Variants in COTL1 observed in about 807,000 individuals in gnomAD.
COTL1 encodes the protein coactosin-like protein.
A neutral mutation model predicts 16.5 loss-of-function variants in COTL1; 15 were observed. The ratio of observed to expected loss-of-function variants is 0.91; its 90% CI spans 0.61 to 1.40. The LOEUF is 1.40. Among genes scored for constraint, COTL1 ranks in the 40% most tolerant of loss-of-function variants. The pLI is 0.00. For missense variants in COTL1, 220 were observed against 201.5 expected (o/e 1.09, Z -0.56); for synonymous variants, 112 against 85.3 (o/e 1.31, Z -1.73).
chr16:84,566,984 C>T (rs755990207), intron 3 of COTL1, 29 bp from the exon 4 acceptor site: 2 of 1,542,622 alleles, frequency 1.3e-6, no homozygotes, highest in Non-Finnish European at 9.0e-7. Flanking sequence ...ACACAGCGTT[C>T]CTATTAAGAA....
chr16:84,616,361 G>A (rs535665457), intron 2 of COTL1: 1 of 152,256 alleles, frequency 6.6e-6, no homozygotes, highest in East Asian at 1.9e-4. Flanking sequence ...AAATTAGCCA[G>A]GCGTGGTCGT....
intron 2 of COTL1, among the ~76,000 whole-genome samples, chr16:84,615,634 G>A (rs747809916): frequency 3.3e-5 from 5 of 152,164 alleles, no homozygotes; most frequent in Non-Finnish European, 5.9e-5. Context: ...TGACTCTCCT[G>A]GCTGTTCACG....
intron 3 of COTL1, among the ~76,000 whole-genome samples, chr16:84,573,040 C>G (rs911338194): frequency 6.6e-6 from 1 of 152,190 alleles, no homozygotes; most frequent in African/African-American, 2.4e-5. Context: ...AGGCGTGAGC[C>G]ACTTTGCCTG....
At chr16:84,600,228 A>T (rs765302891) in intron 2 of COTL1, among the ~76,000 whole-genome samples, 60 of 152,230 alleles carry the variant, frequency 3.9e-4, no homozygotes, top group Admixed American at 5.9e-4. Flanking sequence ...CAAAAGTATT[A>T]AAAAGTGTAA....
At chr16:84,599,612 C>T (rs1175414248) in intron 2 of COTL1, among the ~76,000 whole-genome samples, 3 of 152,182 alleles carry the variant, frequency 2.0e-5, no homozygotes, top group Admixed American at 6.5e-5. Context: ...TCAGAATTTC[C>T]ACCCAACACT....
chr16:84,570,636 A>G lies in COTL1; in HGVS notation c.319-3681T>C, dbSNP rs563300231. On this transcript the variant is annotated intron_variant, in intron 3 of 3. Transcript: ENST00000262428. ...ACATTTAAAGCAAACTGAGTCTCAC[A>G]AGATAAACAGGGTCATCCTGCAACT... Among the ~76,000 whole-genome samples, 7 of 152,338 alleles carry G rather than the reference A, an allele frequency of 4.6e-5. No individual in the cohort carries two copies. In the South Asian group the frequency reaches 1.4e-3, roughly 32 times the overall value.
At chr16:84,610,951 G>A (rs192753845) in intron 2 of COTL1, among the ~76,000 whole-genome samples, 26 of 152,250 alleles carry the variant, frequency 1.7e-4, no homozygotes, top group Non-Finnish European at 2.8e-4. Context: ...CCTATCCATT[G>A]ATATGTAACA....
In COTL1 at chr16:84,566,880, C is replaced by A. The variant is rs1465866300; in HGVS notation, c.394G>T (p.Ala132Ser). 1 of 1,614,002 alleles carries A rather than the reference C, an allele frequency of 6.2e-7. No homozygotes were observed. ...EDFIKSELKKAGGANYDAQTE is the reference protein window; with the variant it reads ...EDFIKSELKKSGGANYDAQTE ...TGGGCGTCGTAATTGGCTCCCCCCG[C>A]CTTCTTCAGCTCGCTCTTGATGAAA... The change falls in exon 4 of 4, where the codon GCG becomes TCG. Residue 132 changes from alanine (A) to serine (S), a missense_variant. Physicochemically the swap from Ala to Ser is moderately conservative, Grantham distance 99. Transcript: ENST00000262428.
intron 3 of COTL1, among the ~76,000 whole-genome samples, chr16:84,577,934 G>C (rs562519175): frequency 3.3e-5 from 5 of 152,278 alleles, no homozygotes; most frequent in African/African-American, 7.2e-5. Context: ...CTCAGGCTCG[G>C]CTTTCCTGAC....
intron 2 of COTL1, among the ~76,000 whole-genome samples, chr16:84,603,421 C>T (rs575969391): frequency 6.6e-6 from 1 of 152,238 alleles, no homozygotes; most frequent in South Asian, 2.1e-4. Flanking sequence ...AACACGGCGT[C>T]ACAGCTCTGC....
intron 2 of COTL1, among the ~76,000 whole-genome samples, chr16:84,606,175 A>G (rs79781737): frequency 0.015 from 2,295 of 152,362 alleles, 48 homozygotes; most frequent in African/African-American, 0.052. Context: ...CACTGAGCTG[A>G]ATCAGAAAAG....
chr16:84,575,133 G>A (rs1024221012), intron 3 of COTL1, among the ~76,000 whole-genome samples: 2 of 151,700 alleles, frequency 1.3e-5, no homozygotes, highest in African/African-American at 2.4e-5. Flanking sequence ...CACCTCCCGG[G>A]TTCAAGCGAT....
chr16:84,601,611 C>G (rs1225494215), intron 2 of COTL1, among the ~76,000 whole-genome samples: 1 of 152,222 alleles, frequency 6.6e-6, no homozygotes, highest in Non-Finnish European at 1.5e-5. Flanking sequence ...CACGCTCCAC[C>G]ACACCCAGCT....
intron 2 of COTL1, among the ~76,000 whole-genome samples, chr16:84,607,848 T>C (rs1311317081): frequency 2.0e-5 from 3 of 151,938 alleles, no homozygotes; most frequent in African/African-American, 7.3e-5. Context: ...GCTCGAGAAA[T>C]GTCCCGGAGA....
intron 2 of COTL1, among the ~76,000 whole-genome samples, chr16:84,593,774 C>G (rs981174669): frequency 2.0e-5 from 3 of 152,222 alleles, no homozygotes; most frequent in Admixed American, 1.3e-4. Context: ...GCTGGGATTA[C>G]AAGCGTGAGC....
At chr16:84,585,829 G>A (rs564129928) in intron 3 of COTL1, among the ~76,000 whole-genome samples, 40 of 152,352 alleles carry the variant, frequency 2.6e-4, no homozygotes, top group African/African-American at 7.9e-4. Flanking sequence ...TTCGTAAGTG[G>A]AGAGGTGGAA....
intron 2 of COTL1, among the ~76,000 whole-genome samples, chr16:84,611,155 G>C (rs1428492856): frequency 6.6e-6 from 1 of 152,194 alleles, no homozygotes; most frequent in Non-Finnish European, 1.5e-5. Context: ...AGCACAGCAA[G>C]GCTATCGTTC....
rs1407103714 is a variant in COTL1 at position 84,590,090 on chromosome 16, G to A, written c.318+15C>T. The A allele has an allele frequency of 6.2e-7, 1 of 1,604,526 alleles. No homozygotes were observed. Among genetic ancestry groups the A allele is most frequent in the Non-Finnish European group, 8.5e-7 (1 of 1,172,522 alleles). Reference sequence around the variant, plus strand: ...TGGCGAGCTTTGACCTCCAGACTCTGGAGGAACTCAGTACCTGTACGACCT... The same window carrying A: ...TGGCGAGCTTTGACCTCCAGACTCTAGAGGAACTCAGTACCTGTACGACCT... On this transcript the variant is annotated intron_variant, in intron 3 of 3. Transcript: ENST00000262428. The surrounding 1 kb of genome is among the most constrained non-coding windows in gnomAD (Gnocchi z 5.5).
At chr16:84,581,453 T>G (rs1904591348) in intron 3 of COTL1, among the ~76,000 whole-genome samples, 1 of 152,126 alleles carries the variant, frequency 6.6e-6, no homozygotes, top group African/African-American at 2.4e-5. Context: ...CATGGAGGGT[T>G]GTAGGTTCTC....
Sources: allele counts gnomAD v4.1 joint callset (sites outside exome capture counted in the v4.1 genomes callset), GRCh38; gene constraint gnomAD v4.1.1; non-coding constraint Gnocchi (gnomAD v3.1); transcripts MANE v1.5; gene names NCBI Gene and HGNC (gene_info 2026-07-23, HGNC 2026-07-21).